Variants in FAM107B observed in about 807,000 individuals in gnomAD.
FAM107B encodes protein FAM107B.
FAM107B carries 21 observed loss-of-function variants against 31.5 expected under a neutral mutation model. The ratio of observed to expected loss-of-function variants is 0.67; its 90% CI spans 0.47 to 0.96. FAM107B has a LOEUF of 0.96. FAM107B is among the 40% of genes least tolerant of loss of function. The probability of loss-of-function intolerance (pLI) is 0.00; values close to 1 mark genes in which losing one functional copy is unlikely to be tolerated. For missense variants in FAM107B, 452 were observed against 377.1 expected, an observed-to-expected ratio of 1.20 and a Z score of -1.64; for synonymous variants, 157 against 141.5, an observed-to-expected ratio of 1.11 and a Z score of -0.78.
chr10:14,773,564 A>G, intron 1 of FAM107B, among the ~76,000 whole-genome samples: 1 of 152,248 alleles, frequency 6.6e-6, no homozygotes, highest in Middle Eastern at 3.2e-3. Flanking sequence ...GTACAGCTCC[A>G]TCTAATCAGA....
chr10:14,588,526 C>T (rs1851916487), intron 2 of FAM107B, among the ~76,000 whole-genome samples: 1 of 152,174 alleles, frequency 6.6e-6, no homozygotes, highest in Admixed American at 6.5e-5. Context: ...CAGCTTCACA[C>T]AGGTAAGTGG....
chr10:14,758,576 C>T (rs929438640), intron 1 of FAM107B, among the ~76,000 whole-genome samples: 5 of 152,122 alleles, frequency 3.3e-5, no homozygotes, highest in Non-Finnish European at 5.9e-5. Context: ...CCAAGAGCAG[C>T]GCAGGGCCTG....
At chr10:14,524,951 T>A (rs2130789243) in intron 3 of FAM107B, among the ~76,000 whole-genome samples, 1 of 152,328 alleles carries the variant, frequency 6.6e-6, no homozygotes, top group East Asian at 1.9e-4. Flanking sequence ...TTTTACACAA[T>A]AGTGACAGTA....
chr10:14,585,824 C>T (rs1851805395), intron 2 of FAM107B, among the ~76,000 whole-genome samples: 1 of 152,164 alleles, frequency 6.6e-6, no homozygotes, highest in African/African-American at 2.4e-5. Flanking sequence ...ACCAAGTACT[C>T]GTGAGTAGGG....
intron 2 of FAM107B, among the ~76,000 whole-genome samples, chr10:14,563,964 C>CTT (rs56773682): frequency 2.6e-5 from 4 of 151,856 alleles, no homozygotes; most frequent in East Asian, 1.9e-4. Context: ...TCATCTCATA[C>CTT]TTTTTTTTGT....
intron 2 of FAM107B, among the ~76,000 whole-genome samples, chr10:14,654,826 C>A (rs1250828740): frequency 6.6e-6 from 1 of 152,086 alleles, no homozygotes; most frequent in Non-Finnish European, 1.5e-5. Flanking sequence ...TCATTAAATG[C>A]CCCTCAGTGG....
At chr10:14,532,380 G>A (rs759190557) in intron 2 of FAM107B, among the ~76,000 whole-genome samples, 2 of 152,126 alleles carry the variant, frequency 1.3e-5, no homozygotes, top group Admixed American at 6.5e-5. Context: ...TAAAGAGAAT[G>A]AAAATCCAAA....
At chr10:14,742,565 T>C (rs1302411384) in intron 1 of FAM107B, among the ~76,000 whole-genome samples, 1 of 152,208 alleles carries the variant, frequency 6.6e-6, no homozygotes, top group Non-Finnish European at 1.5e-5. Flanking sequence ...TCACTAAATA[T>C]TCGTGAAATG....
intron 1 of FAM107B, among the ~76,000 whole-genome samples, chr10:14,746,380 T>A (rs972298053): frequency 6.6e-6 from 1 of 152,214 alleles, no homozygotes; most frequent in Non-Finnish European, 1.5e-5. Context: ...AGTAGTTGCT[T>A]CATAGTGTCA....
At position 14,590,643 on chromosome 10, in the gene FAM107B, C is replaced by T. The variant is rs1482251234; in HGVS notation, c.470-60128G>A. Among the ~76,000 whole-genome samples the T allele has an allele frequency of 2.0e-5, 3 of 152,136 alleles. No individual in the cohort carries two copies. In the South Asian group the frequency reaches 6.2e-4, roughly 31 times the overall value. On this transcript the variant is annotated intron_variant, in intron 2 of 4. Transcript: ENST00000181796. ...AACAGAAACAATTCAAGTATCTACC[C>T]TCTCCAAACACTCTTAACAATGAAG...
chr10:14,549,852 A>C (rs1364121893), intron 2 of FAM107B, among the ~76,000 whole-genome samples: 2 of 152,196 alleles, frequency 1.3e-5, no homozygotes, highest in Non-Finnish European at 2.9e-5. Context: ...TTAAAAGCTG[A>C]ATGGGAAAAT....
intron 2 of FAM107B, among the ~76,000 whole-genome samples, chr10:14,542,897 A>G (rs1047347914): frequency 6.6e-6 from 1 of 152,240 alleles, no homozygotes; most frequent in Non-Finnish European, 1.5e-5. Flanking sequence ...ATATTAGTAC[A>G]CTGGCTTGCA....
chr10:14,742,446 T>C (rs1338028425), intron 1 of FAM107B, among the ~76,000 whole-genome samples: 1 of 152,206 alleles, frequency 6.6e-6, no homozygotes, highest in African/African-American at 2.4e-5. Flanking sequence ...CAGATGATGC[T>C]AACAAAGTAC....
chr10:14,665,258 T>G (rs1484923109), intron 2 of FAM107B, among the ~76,000 whole-genome samples: 1 of 152,170 alleles, frequency 6.6e-6, no homozygotes, highest in Non-Finnish European at 1.5e-5. Flanking sequence ...TCCAAATGCA[T>G]TTATTGAGGG....
At chr10:14,723,243 G>A (rs551893643) in intron 1 of FAM107B, 26 of 531,470 alleles carry the variant, frequency 4.9e-5, no homozygotes, top group South Asian at 3.5e-4. Context: ...CTTCTGTGGT[G>A]GGGCCGAGCA....
rs79088080 is a variant in FAM107B, at chr10:14,565,121, G to A, written c.470-34606C>T. ...AAAACAAACTCTTTCATTAAAACAC[G>A]TATTTATTGAGTGTACAGCTTGTGC... On this transcript the variant is annotated intron_variant, in intron 2 of 4. Coordinates refer to ENST00000181796, the MANE Select transcript of FAM107B (RefSeq NM_031453.4). Among the ~76,000 whole-genome samples the A allele has an allele frequency of 9.8e-3, 1,499 of 152,302 alleles. 13 individuals carry two copies. Among genetic ancestry groups the A allele is most frequent in the Non-Finnish European group, 0.015 (1,001 of 68,022 alleles).
chr10:14,522,218 G>A, intron 3 of FAM107B, 199 bp from the exon 4 acceptor site: 1 of 664,658 alleles, frequency 1.5e-6, no homozygotes, highest in Non-Finnish European at 2.5e-6. Flanking sequence ...TCTCCAAAGA[G>A]TACATAAAAT....
chr10:14,705,353 A>G (rs1588717822), intron 1 of FAM107B, among the ~76,000 whole-genome samples: 1 of 152,326 alleles, frequency 6.6e-6, no homozygotes, highest in East Asian at 1.9e-4. Flanking sequence ...CAGCAATTAG[A>G]CTTCTGCATA....
intron 2 of FAM107B, among the ~76,000 whole-genome samples, chr10:14,583,664 C>T (rs564526970): frequency 1.3e-5 from 2 of 152,178 alleles, no homozygotes; most frequent in Admixed American, 6.5e-5. Context: ...AGAGGCTGGG[C>T]CTAACTAATC....
Sources: gnomAD v4.1 joint callset for allele counts (sites outside exome capture counted in the v4.1 genomes callset) on GRCh38, gnomAD v4.1.1 for gene constraint, MANE v1.5 for transcripts, NCBI Gene and HGNC (gene_info 2026-07-23, HGNC 2026-07-21) for gene names.